Variants in TMEM182 observed in about 807,000 individuals in gnomAD.
TMEM182 encodes transmembrane protein 182.
A neutral mutation model predicts 26.8 loss-of-function variants in TMEM182; 20 were observed. The observed-to-expected ratio is 0.75, with a 90% CI of 0.53 to 1.09. The LOEUF (loss-of-function observed/expected upper bound fraction) is 1.09. Ranked by LOEUF, TMEM182 falls within the 50% of genes least tolerant of loss-of-function variation. TMEM182 has a pLI of 0.00. For synonymous variants in TMEM182, 109 were observed against 102.2 expected (o/e 1.07, Z -0.40); for missense variants, 277 against 275.5 (o/e 1.01, Z -0.04).
chr2:102,817,768 T>A, downstream of TMEM182: 1 of 925,630 alleles, frequency 1.1e-6, no homozygotes, highest in Non-Finnish European at 1.3e-6. Flanking sequence ...TGTATGTAAG[T>A]GTGCATGTGT....
chr2:102,761,978 G>GCAATTCTC, upstream of TMEM182: 1 of 388,836 alleles, frequency 2.6e-6, no homozygotes, highest in East Asian at 5.8e-5. Context: ...AAAATAGCCA[G>GCAATTCTC]CAATTCTCAG....
intron 3 of TMEM182, among the ~76,000 whole-genome samples, chr2:102,786,120 G>A (rs1175401561): frequency 1.3e-5 from 2 of 149,836 alleles, no homozygotes; most frequent in Non-Finnish European, 3.0e-5. Flanking sequence ...TGGGCAGGAG[G>A]ATTTACAGAA....
chr2:102,841,740 GT>G (rs1683355490), intron 3 of TMEM182, among the ~76,000 whole-genome samples: 1 of 152,130 alleles, frequency 6.6e-6, no homozygotes, highest in African/African-American at 2.4e-5. Context: ...ATCAATTTTT[GT>G]CCTATTTTCT....
At chr2:102,758,474 G>T, upstream of TMEM182, 1 of 717,084 alleles carries the variant, frequency 1.4e-6, no homozygotes, top group South Asian at 1.5e-5. Flanking sequence ...CTCCTCCATG[G>T]TAAGCTCCAT....
downstream of TMEM182, among the ~76,000 whole-genome samples, chr2:102,820,836 T>C (rs1284324787): frequency 6.6e-6 from 1 of 152,132 alleles, no homozygotes; most frequent in Non-Finnish European, 1.5e-5. Flanking sequence ...GGACTTGCTG[T>C]GAATTAGATA....
At chr2:102,775,124 A>G (rs553894547) in intron 3 of TMEM182, 16 of 152,298 alleles carry the variant, frequency 1.1e-4, no homozygotes, top group African/African-American at 3.6e-4. Context: ...CCTTCTGTTT[A>G]TTTAGGTCTT....
chr2:102,764,217 G>A (rs1215423253), intron 2 of TMEM182, 112 bp from the exon 3 acceptor site: 2 of 1,025,652 alleles, frequency 1.9e-6, no homozygotes, highest in East Asian at 2.5e-5. Flanking sequence ...GATGGAACCA[G>A]TAGTTTTGTT....
intron 4 of TMEM182, among the ~76,000 whole-genome samples, chr2:102,808,915 G>A (rs1009941123): frequency 2.6e-5 from 4 of 152,318 alleles, no homozygotes; most frequent in African/African-American, 9.6e-5. Flanking sequence ...TTGGGTAGGA[G>A]AGTGAAGAGG....
rs1682719939 is a variant in TMEM182, at chr2:102,815,767, A to G, written c.*799A>G. On this transcript the variant is annotated 3_prime_UTR_variant, in exon 5 of 5. Coordinates refer to ENST00000412401, the MANE Select transcript of TMEM182 (RefSeq NM_144632.5). ...ACCAAGCATTTCCGCTTGGTCCATAATTCTATTTGATATTTTAAAATTCTC... is the reference window on the plus strand; with the variant it reads ...ACCAAGCATTTCCGCTTGGTCCATAGTTCTATTTGATATTTTAAAATTCTC... 1.1e-6 allele frequency: 1 copy of G among 930,606 alleles called. No homozygotes were observed. Among genetic ancestry groups the G allele is most frequent in the Non-Finnish European group, 1.3e-6 (1 of 780,304 alleles). The allele number at this position is 930,606 out of a possible 1,614,324, so 57.6% of individuals were successfully genotyped here.
chr2:102,797,185 A>G (rs1681905327), intron 3 of TMEM182, among the ~76,000 whole-genome samples: 1 of 152,166 alleles, frequency 6.6e-6, no homozygotes, highest in South Asian at 2.1e-4. Context: ...TTTGAATCTA[A>G]GTGAAAATAT....
chr2:102,768,641 C>T (rs910505022), intron 3 of TMEM182, among the ~76,000 whole-genome samples: 4 of 151,896 alleles, frequency 2.6e-5, no homozygotes, highest in South Asian at 2.1e-4. Flanking sequence ...GCGGAGGTTG[C>T]GATGAGCTGA....
downstream of TMEM182, among the ~76,000 whole-genome samples, chr2:102,819,188 A>C (rs1365295240): frequency 6.6e-6 from 1 of 152,152 alleles, no homozygotes; most frequent in Non-Finnish European, 1.5e-5. Context: ...TTCTAAAGAG[A>C]GACTGCCACT....
chr2:102,816,342 A>G lies in TMEM182; in HGVS notation c.*1374A>G, dbSNP rs1372187233. 14 of 985,056 alleles carry G rather than the reference A, an allele frequency of 1.4e-5. No homozygotes were observed. Among genetic ancestry groups the G allele is most frequent in the Non-Finnish European group, 1.7e-5 (14 of 829,894 alleles). 61.0% of individuals were successfully genotyped at this position (985,056 alleles called of 1,614,324 possible). ...GTCACCACCCAGAAGATGCTCTGGG[A>G]TAGAGGAACTGCTCCTTTTCATCAG... On this transcript the variant is annotated 3_prime_UTR_variant, in exon 5 of 5. Coordinates refer to ENST00000412401, the MANE Select transcript of TMEM182 (RefSeq NM_144632.5).
intron 3 of TMEM182, among the ~76,000 whole-genome samples, chr2:102,777,713 G>C (rs1680979734): frequency 6.6e-6 from 1 of 151,128 alleles, no homozygotes; most frequent in South Asian, 2.1e-4. Flanking sequence ...TGCAAATAGG[G>C]ACAATTTTAT....
At chr2:102,782,054 C>T (rs1681192265) in intron 3 of TMEM182, among the ~76,000 whole-genome samples, 1 of 152,090 alleles carries the variant, frequency 6.6e-6, no homozygotes, top group Non-Finnish European at 1.5e-5. Context: ...TCCTGTAATC[C>T]CAACACTTTG....
chr2:102,752,719 C>T (rs1679911197), intron 1 of TMEM182, among the ~76,000 whole-genome samples: 1 of 152,208 alleles, frequency 6.6e-6, no homozygotes, highest in Admixed American at 6.5e-5. Context: ...ACAAGCACCT[C>T]GTCTGGAAAG....
rs185836931 is a variant in TMEM182 at position 102,793,129 on chromosome 2, A to G, written c.332-4734A>G. On this transcript the variant is annotated intron_variant, in intron 3 of 4. Coordinates refer to ENST00000412401, the MANE Select transcript of TMEM182 (RefSeq NM_144632.5). Reference sequence around the variant, plus strand: ...GTGAGCTTCTGCTCTGCTGCTCATCACCTCACTTTCTCAGTTTTCCAGTTC... The same window carrying G: ...GTGAGCTTCTGCTCTGCTGCTCATCGCCTCACTTTCTCAGTTTTCCAGTTC... Among the ~76,000 whole-genome samples, 3 of 152,124 alleles carry G rather than the reference A, an allele frequency of 2.0e-5. No individual in the cohort carries two copies. The East Asian group carries it at 5.8e-4, about 29-fold the overall frequency.
intron 3 of TMEM182, among the ~76,000 whole-genome samples, chr2:102,783,645 A>G (rs1425429325): frequency 1.3e-5 from 2 of 152,164 alleles, no homozygotes; most frequent in Non-Finnish European, 2.9e-5. Flanking sequence ...TGTTGGGTGC[A>G]ATGGTGTGCT....
downstream of TMEM182, chr2:102,817,785 T>A (rs573515635): frequency 1.1e-5 from 10 of 880,504 alleles, no homozygotes; most frequent in South Asian, 5.2e-4. Context: ...GTGTATTATA[T>A]GTTTGGGTAG....
Sources: gnomAD v4.1 joint callset for allele counts (sites outside exome capture counted in the v4.1 genomes callset) on GRCh38, gnomAD v4.1.1 for gene constraint, MANE v1.5 for transcripts, NCBI Gene and HGNC (gene_info 2026-07-23, HGNC 2026-07-21) for gene names.